DLGAP2: variants seen among roughly 807,000 people sequenced by gnomAD.
The protein encoded by DLGAP2 is disks large-associated protein 2.
A neutral mutation model predicts 100.3 loss-of-function variants in DLGAP2; 26 were observed. The observed-to-expected ratio is 0.26, with a 90% CI of 0.19 to 0.36. The LOEUF (loss-of-function observed/expected upper bound fraction) is 0.36. DLGAP2 is among the 10% of genes least tolerant of loss of function. The pLI is 1.00. For missense variants in DLGAP2, 1,858 were observed against 1,453.2 expected (o/e 1.28, Z -4.53); for synonymous variants, 886 against 630.1 (o/e 1.41, Z -6.08).
At chr8:1,107,185 G>T (rs1431386695) in intron 2 of DLGAP2, among the ~76,000 whole-genome samples, 3 of 152,210 alleles carry the variant, frequency 2.0e-5, no homozygotes, top group African/African-American at 7.2e-5. Flanking sequence ...CAGAGGCTTT[G>T]CAGTGCACTG....
chr8:789,359 G>C (rs963277800), intron 1 of DLGAP2, among the ~76,000 whole-genome samples: 3 of 152,170 alleles, frequency 2.0e-5, no homozygotes, highest in African/African-American at 7.2e-5. Flanking sequence ...AGGAGGAAGA[G>C]AGTGAAGGGG....
intron 12 of DLGAP2, among the ~76,000 whole-genome samples, chr8:1,688,052 G>A (rs1799159176): frequency 6.6e-6 from 1 of 152,078 alleles, no homozygotes; most frequent in Non-Finnish European, 1.5e-5. Flanking sequence ...GAAGGATGAG[G>A]AGCTTTCACT....
intron 1 of DLGAP2, among the ~76,000 whole-genome samples, chr8:799,243 G>A (rs527906728): frequency 1.6e-4 from 24 of 152,242 alleles, no homozygotes; most frequent in East Asian, 5.8e-4. Context: ...CGTCAGCACC[G>A]TCACAGCTCT....
At chr8:934,618 G>A (rs1215901649) in intron 2 of DLGAP2, among the ~76,000 whole-genome samples, 2 of 152,138 alleles carry the variant, frequency 1.3e-5, no homozygotes, top group South Asian at 2.1e-4. Flanking sequence ...GGCTATTCCC[G>A]GCTTGTGGTG....
In DLGAP2 at chr8:1,701,271, G is replaced by T. The variant is rs377471676; in HGVS notation, c.3033G>T (p.Leu1011=). The T allele has an allele frequency of 6.3e-7, 1 of 1,582,998 alleles. No homozygotes were observed. The highest frequency in any genetic ancestry group is 1.4e-5 in the African/African-American group (1 of 74,016). The change falls in exon 15 of 15, where the codon CTG becomes CTT. Residue 1011 remains leucine (L), a synonymous_variant. Transcript: ENST00000637795. ...TCACAAGAGAAAAATCCCTGGACCT[G>T]CCCGACAGACAACGCCAGGAAGCCC... The part of the protein sequence containing the change: ...FPITREKSLD[L]PDRQRQEARR...
At chr8:1,072,487 C>A (rs889649205) in intron 2 of DLGAP2, among the ~76,000 whole-genome samples, 1 of 152,132 alleles carries the variant, frequency 6.6e-6, no homozygotes, top group Non-Finnish European at 1.5e-5. Context: ...TTCACGTTAT[C>A]TTGGAGAACT....
intron 2 of DLGAP2, among the ~76,000 whole-genome samples, chr8:1,174,323 A>G (rs1448716165): frequency 6.6e-6 from 1 of 151,830 alleles, no homozygotes; most frequent in Non-Finnish European, 1.5e-5. Flanking sequence ...TACCAAAATC[A>G]TTATCATCAT....
At chr8:789,981 G>T (rs1821984123) in intron 1 of DLGAP2, among the ~76,000 whole-genome samples, 3 of 152,208 alleles carry the variant, frequency 2.0e-5, no homozygotes, top group Admixed American at 6.5e-5. Flanking sequence ...GTGGGGAGAT[G>T]ATGCCGCCTC....
Position 1,039,330 on chromosome 8 carries a change from T to C in DLGAP2, c.73+131364T>C, listed in dbSNP as rs376592148. 8.2e-3 allele frequency among the ~76,000 whole-genome samples: 753 copies of C among 91,724 alleles called. 3 individuals are homozygous for C. The highest frequency in any genetic ancestry group is 0.027 in the East Asian group (79 of 2,902). The allele number at this position is 91,724 out of a possible 152,430, so 60.2% of individuals were successfully genotyped here. On this transcript the variant is annotated intron_variant, in intron 2 of 14. Transcript: ENST00000637795. ...GTCAGCTCGGTGTGCGTGGTCAGCT[T>C]GGTGTGCGTGGTCAGCTCGGTGTGC...
chr8:1,317,541 C>T (rs1800787361), intron 3 of DLGAP2, among the ~76,000 whole-genome samples: 2 of 137,208 alleles, frequency 1.5e-5, no homozygotes, highest in East Asian at 2.1e-4. Flanking sequence ...GCGAGTGCAG[C>T]GTGTCTCCAA....
At chr8:848,911 C>T (rs892997169) in intron 1 of DLGAP2, among the ~76,000 whole-genome samples, 34 of 141,912 alleles carry the variant, frequency 2.4e-4, no homozygotes, top group Non-Finnish European at 4.3e-4. Context: ...CCTGTTCCAG[C>T]ATAGGAACGC....
intron 6 of DLGAP2, among the ~76,000 whole-genome samples, chr8:1,567,728 C>G (rs1288263914): frequency 1.3e-5 from 2 of 152,196 alleles, no homozygotes; most frequent in East Asian, 1.9e-4. Context: ...GAACTTTACA[C>G]TGGCAAAACT....
chr8:1,299,130 C>T (rs1035813766), intron 3 of DLGAP2, among the ~76,000 whole-genome samples: 1 of 152,234 alleles, frequency 6.6e-6, no homozygotes, highest in African/African-American at 2.4e-5. Context: ...TACAAAGAAG[C>T]AGGCAATATT....
intron 6 of DLGAP2, among the ~76,000 whole-genome samples, chr8:1,566,914 G>C (rs1802426966): frequency 6.6e-6 from 1 of 152,196 alleles, no homozygotes; most frequent in South Asian, 2.1e-4. Context: ...AAGAGCTATG[G>C]TGTAGGAATG....
At chr8:890,286 T>G (rs1584866200) in intron 1 of DLGAP2, among the ~76,000 whole-genome samples, 1 of 152,176 alleles carries the variant, frequency 6.6e-6, no homozygotes, top group Non-Finnish European at 1.5e-5. Flanking sequence ...TGCACGCGCA[T>G]GGCAGAGCGT....
At chr8:1,242,240 T>C (rs1798812418) in intron 2 of DLGAP2, among the ~76,000 whole-genome samples, 1 of 152,184 alleles carries the variant, frequency 6.6e-6, no homozygotes, top group African/African-American at 2.4e-5. Context: ...CCTGATGTGT[T>C]TGTGGAAGAG....
At position 1,624,357 on chromosome 8, in the gene DLGAP2, G is replaced by T. The variant is rs1268165303; in HGVS notation, c.1443-2383G>T. Among the ~76,000 whole-genome samples the T allele has an allele frequency of 3.9e-5, 6 of 152,052 alleles. No individual in the cohort carries two copies. The East Asian group carries it at 9.7e-4, about 25-fold the overall frequency. On this transcript the variant is annotated intron_variant, in intron 6 of 14. Transcript: ENST00000637795. Reference sequence around the variant, plus strand: ...AAGGTGAGTCAAGTTAAGAGCCTCAGTCAGGGCTCTTGGCATCCACCTGAG... The same window carrying T: ...AAGGTGAGTCAAGTTAAGAGCCTCATTCAGGGCTCTTGGCATCCACCTGAG...
chr8:1,046,204 C>T (rs762332465), intron 2 of DLGAP2, among the ~76,000 whole-genome samples: 21 of 152,180 alleles, frequency 1.4e-4, no homozygotes, highest in Admixed American at 7.2e-4. Flanking sequence ...TATTTTCCTA[C>T]TGCCTTCATT....
intron 2 of DLGAP2, among the ~76,000 whole-genome samples, chr8:1,130,099 ACGCGAG>A (rs1393618734): frequency 5.7e-3 from 12 of 2,106 alleles, no homozygotes; most frequent in Non-Finnish European, 0.011. Flanking sequence ...CAGACACTTC[ACGCGAG>A]TTAAGGGATC....
Sources: gnomAD v4.1 joint callset for allele counts (sites outside exome capture counted in the v4.1 genomes callset) on GRCh38, gnomAD v4.1.1 for gene constraint, MANE v1.5 for transcripts, NCBI Gene and HGNC (gene_info 2026-07-23, HGNC 2026-07-21) for gene names.